The following EBF3 variants were observed in gnomAD, a reference collection of about 807,000 sequenced individuals.
EBF3 encodes the protein EBF transcription factor 3.
A neutral mutation model predicts 77.1 loss-of-function variants in EBF3; 18 were observed. The observed-to-expected ratio is 0.23, with a 90% CI of 0.16 to 0.35. The LOEUF (loss-of-function observed/expected upper bound fraction) is 0.35, where lower values mean the gene tolerates loss of function less well. EBF3 is among the 10% of genes least tolerant of loss of function. EBF3 has a pLI of 1.00. For synonymous variants in EBF3, 350 were observed against 343.5 expected (o/e 1.02, Z -0.21); for missense variants, 558 against 860.0 (o/e 0.65, Z 4.39).
chr10:129,894,845 T>C (rs1854259609), intron 6 of EBF3, among the ~76,000 whole-genome samples: 1 of 152,232 alleles, frequency 6.6e-6, no homozygotes, highest in African/African-American at 2.4e-5. Context: ...AATGTTTACA[T>C]GCTGCATTTT....
intron 6 of EBF3, among the ~76,000 whole-genome samples, chr10:129,920,048 C>T (rs12774110): frequency 2.7e-4 from 36 of 131,888 alleles, no homozygotes; most frequent in Non-Finnish European, 4.6e-4. Flanking sequence ...AGGAGGGCCA[C>T]AAACCCGCCC....
chr10:129,899,251 T>C (rs1031084746), intron 6 of EBF3, among the ~76,000 whole-genome samples: 1 of 152,228 alleles, frequency 6.6e-6, no homozygotes, highest in African/African-American at 2.4e-5. Context: ...GACGGCACCA[T>C]GGAATCAAAA....
chr10:129,868,612 AG>A (rs1316238349), intron 8 of EBF3, among the ~76,000 whole-genome samples: 1 of 144,658 alleles, frequency 6.9e-6, no homozygotes, highest in African/African-American at 2.5e-5. Flanking sequence ...CTGGGGCGGG[AG>A]GGGTTGGGGG....
chr10:129,917,679 A>AAAAAAAAAAAAAAAAAAAAAAAAAC (rs1564887155), intron 6 of EBF3, among the ~76,000 whole-genome samples: 6 of 141,976 alleles, frequency 4.2e-5, no homozygotes, highest in Non-Finnish European at 6.2e-5. Flanking sequence ...AAAAAAAAAA[A>AAAAAAAAAAAAAAAAAAAAAAAAAC]CTAAAACCAA....
chr10:129,878,810 T>A (rs1313622738), intron 6 of EBF3, among the ~76,000 whole-genome samples: 1 of 74,204 alleles, frequency 1.3e-5, no homozygotes, highest in Non-Finnish European at 2.4e-5. Context: ...GGCAACACAG[T>A]GAAAATCGGT....
intron 6 of EBF3, among the ~76,000 whole-genome samples, chr10:129,913,870 C>T (rs898386043): frequency 6.6e-6 from 1 of 152,240 alleles, no homozygotes; most frequent in Non-Finnish European, 1.5e-5. Context: ...AGACTCTCTT[C>T]CCCAAAAGCT....
Position 129,840,433 on chromosome 10 carries a change from G to T in EBF3, c.1571C>A (p.Ser524Tyr). 6.4e-7 allele frequency: 1 copy of T among 1,551,210 alleles called. No homozygotes were observed. Among genetic ancestry groups the T allele is most frequent in the Non-Finnish European group, 8.7e-7 (1 of 1,146,914 alleles). ...SANSPYGIVP[S>Y]SPTMAASSVT... ...CGAAGAGGCTGCCATGGTGGGGCTG[G>T]ACGGCACTACTGCAACAAAGCAAAC... The change falls in exon 15 of 17, where the codon TCC (serine) becomes TAC (tyrosine). Residue 524 changes from serine to tyrosine, a missense_variant. Physicochemically the swap from Ser to Tyr is moderately radical, Grantham distance 144 (BLOSUM62 -2). This residue lies in a region of EBF3 where 284 missense variants were observed against 368.3 expected (regional missense o/e 0.77). Transcript: ENST00000440978.
intron 6 of EBF3, among the ~76,000 whole-genome samples, chr10:129,905,569 A>G (rs988595458): frequency 8.5e-5 from 13 of 152,144 alleles, no homozygotes; most frequent in African/African-American, 2.9e-4. Context: ...GGGTCTCTCC[A>G]AGGACTGACC....
intron 6 of EBF3, among the ~76,000 whole-genome samples, chr10:129,892,153 T>C (rs1854060723): frequency 6.6e-6 from 1 of 152,160 alleles, no homozygotes; most frequent in Non-Finnish European, 1.5e-5. Context: ...ATCCCGGGTC[T>C]CTCCCCGGGT....
rs956557137 is a variant in EBF3, at chr10:129,926,241, G to A, written c.554+31017C>T. Among the ~76,000 whole-genome samples, 9 of 152,208 alleles carry A rather than the reference G, an allele frequency of 5.9e-5. No homozygotes were observed. The East Asian group carries it at 9.6e-4, about 16-fold the overall frequency. ...GTGCCAGTCCCGTGCCAGGCAGGAC[G>A]AGAATGGCGGAACGCACACCTTGGC... On this transcript the variant is annotated intron_variant, in intron 6 of 16. Transcript: ENST00000440978.
At chr10:129,850,352 G>T (rs1215217810) in intron 10 of EBF3, among the ~76,000 whole-genome samples, 1 of 152,230 alleles carries the variant, frequency 6.6e-6, no homozygotes, top group Non-Finnish European at 1.5e-5. Flanking sequence ...TGGGAGAGAC[G>T]CTTTCCAATG....
chr10:129,853,654 A>G (rs1395024400), intron 10 of EBF3, among the ~76,000 whole-genome samples: 4 of 152,220 alleles, frequency 2.6e-5, no homozygotes, highest in Non-Finnish European at 5.9e-5. Flanking sequence ...CCCTACCCCA[A>G]CAGACTGCAA....
chr10:129,919,159 A>T (rs1274610479), intron 6 of EBF3, among the ~76,000 whole-genome samples: 1 of 152,212 alleles, frequency 6.6e-6, no homozygotes, highest in African/African-American at 2.4e-5. Context: ...TTCTGGGAGA[A>T]GGGCTGCTTG....
chr10:129,838,001 C>T (rs752169594), intron 16 of EBF3, 41 bp from the exon 17 acceptor site: 1 of 1,613,522 alleles, frequency 6.2e-7, no homozygotes, highest in Non-Finnish European at 8.5e-7. Flanking sequence ...CAGGCTCCCC[C>T]ACGCGCCCTC....
At chr10:129,959,615 C>T (rs911833889) in intron 4 of EBF3, among the ~76,000 whole-genome samples, 3 of 151,908 alleles carry the variant, frequency 2.0e-5, no homozygotes, top group Admixed American at 2.0e-4. Flanking sequence ...TCCCGCGTTC[C>T]AAACCCAGGC....
chr10:129,915,635 T>G (rs535218645), intron 6 of EBF3, among the ~76,000 whole-genome samples: 1 of 151,158 alleles, frequency 6.6e-6, no homozygotes, highest in Non-Finnish European at 1.5e-5. Context: ...CCGCCGAGAG[T>G]GCGGGAAAGC....
intron 4 of EBF3, among the ~76,000 whole-genome samples, 195 bp from the exon 5 acceptor site, chr10:129,959,202 C>G (rs937588142): frequency 1.3e-5 from 2 of 152,248 alleles, no homozygotes; most frequent in African/African-American, 4.8e-5. Context: ...TTCTCCCTCC[C>G]CTGCCTCCCA....
chr10:129,862,736 G>C (rs758676344), intron 10 of EBF3, among the ~76,000 whole-genome samples: 14 of 152,174 alleles, frequency 9.2e-5, no homozygotes, highest in African/African-American at 3.4e-4. Context: ...AGTTTCCTCA[G>C]TAACATAATT....
intron 10 of EBF3, among the ~76,000 whole-genome samples, chr10:129,859,409 G>C (rs1386333764): frequency 2.0e-5 from 3 of 152,070 alleles, no homozygotes; most frequent in African/African-American, 7.2e-5. Flanking sequence ...ATTTTTAGTA[G>C]AGACAGGGTT....
Sources: gnomAD v4.1 joint callset for allele counts (sites outside exome capture counted in the v4.1 genomes callset) on GRCh38, gnomAD v4.1.1 for gene constraint, gnomAD v4.1.1 regional missense constraint, MANE v1.5 for transcripts, NCBI Gene and HGNC (gene_info 2026-07-23, HGNC 2026-07-21) for gene names.